The following EPC2 variants were observed in gnomAD, a reference collection of about 807,000 sequenced individuals.
EPC2 encodes enhancer of polycomb homolog 2.
In EPC2, 14 loss-of-function variants were observed where a neutral mutation model predicts 92.1. That is an observed-to-expected ratio of 0.15 (90% CI 0.10 to 0.24). EPC2 has a LOEUF of 0.24. Among genes scored for constraint, EPC2 ranks in the 10% least tolerant of loss-of-function variants. The pLI, the probability that EPC2 is intolerant of heterozygous loss-of-function variation, is 1.00. For missense variants in EPC2, 755 were observed against 971.5 expected (o/e 0.78, Z 2.96); for synonymous variants, 340 against 334.7 (o/e 1.02, Z -0.17).
At chr2:148,661,663 A>T (rs1020585097) in intron 1 of EPC2, among the ~76,000 whole-genome samples, 10 of 151,634 alleles carry the variant, frequency 6.6e-5, no homozygotes, top group Admixed American at 4.6e-4. Flanking sequence ...AGAAAACAAT[A>T]TACATATTTA....
At position 148,761,949 on chromosome 2, in the gene EPC2, C is replaced by T; in HGVS notation, c.815+19C>T. On this transcript the variant is annotated intron_variant, in intron 5 of 13. Coordinates refer to ENST00000258484, the MANE Select transcript of EPC2 (RefSeq NM_015630.4). ...AGAAAAGGTAACATTGCTCCTGTTA[C>T]AACAGTAAAATGACAACTTTACCAA... 6.5e-7 allele frequency: 1 copy of T among 1,550,102 alleles called. No homozygotes were observed. Among genetic ancestry groups the T allele is most frequent in the Admixed American group, 2.2e-5 (1 of 44,634 alleles).
intron 1 of EPC2, among the ~76,000 whole-genome samples, chr2:148,666,292 C>T (rs1681054572): frequency 6.6e-6 from 1 of 152,144 alleles, no homozygotes; most frequent in South Asian, 2.1e-4. Context: ...AGCCATGCTT[C>T]ACCATGCCTG....
chr2:148,771,111 A>T lies in EPC2; in HGVS notation c.1444A>T (p.Asn482Tyr). 3 of 1,613,726 alleles carry T rather than the reference A, an allele frequency of 1.9e-6. No individual in the cohort carries two copies. The highest frequency in any genetic ancestry group is 2.2e-5 in the East Asian group (1 of 44,870). The change falls in exon 10 of 14, where the codon AAT becomes TAT. Residue 482 changes from asparagine (N) to tyrosine (Y), a missense_variant. This residue lies in a region of EPC2 where 509 missense variants were observed against 607.7 expected (regional missense o/e 0.84). Coordinates refer to ENST00000258484, the MANE Select transcript of EPC2 (RefSeq NM_015630.4). Reference sequence around the variant, plus strand: ...GAAACAGATAGACCCTGAAATGCTGAATAGTTTTTCAAGCTCTTCCCAAAC... The same window carrying T: ...GAAACAGATAGACCCTGAAATGCTGTATAGTTTTTCAAGCTCTTCCCAAAC... The part of the protein sequence containing the change: ...VLKQIDPEML[N>Y]SFSSSSQTID...
chr2:148,733,585 G>C (rs1030626904), intron 2 of EPC2, among the ~76,000 whole-genome samples: 14 of 131,766 alleles, frequency 1.1e-4, no homozygotes, highest in Admixed American at 9.6e-4. Context: ...GCATCCTTGA[G>C]CTCCTGGGCT....
intron 11 of EPC2, 116 bp downstream of exon 11, chr2:148,781,896 C>A: frequency 8.6e-7 from 1 of 1,168,856 alleles, no homozygotes; most frequent in African/African-American, 1.5e-5. Context: ...GATTTGGGGT[C>A]TGTAACCTGA....
intron 2 of EPC2, among the ~76,000 whole-genome samples, chr2:148,701,898 T>C (rs1357873556): frequency 1.3e-5 from 2 of 152,140 alleles, no homozygotes; most frequent in African/African-American, 2.4e-5. Context: ...CTCTACTTAT[T>C]ATAGATCTAT....
intron 2 of EPC2, among the ~76,000 whole-genome samples, chr2:148,741,440 G>A (rs1325989691): frequency 6.6e-6 from 1 of 152,098 alleles, no homozygotes; most frequent in East Asian, 1.9e-4. Context: ...GTCCTTTACT[G>A]ATTATAAAGC....
At chr2:148,756,902 C>T (rs904407931) in intron 4 of EPC2, among the ~76,000 whole-genome samples, 1 of 152,160 alleles carries the variant, frequency 6.6e-6, no homozygotes, top group African/African-American at 2.4e-5. Context: ...AACCACTTCC[C>T]TAGAGATTTG....
At chr2:148,663,337 G>T (rs935418637) in intron 1 of EPC2, among the ~76,000 whole-genome samples, 5 of 150,614 alleles carry the variant, frequency 3.3e-5, no homozygotes, top group Admixed American at 1.3e-4. Flanking sequence ...TCCTGCCTCA[G>T]CCTCCCGAGT....
chr2:148,683,813 A>C (rs1333214540), intron 1 of EPC2, among the ~76,000 whole-genome samples: 1 of 152,250 alleles, frequency 6.6e-6, no homozygotes, highest in Admixed American at 6.5e-5. Context: ...TTGCAATTGC[A>C]AATTGTACTG....
intron 10 of EPC2, among the ~76,000 whole-genome samples, chr2:148,775,658 A>AAATTAAATAAAATAAATTTAATTT (rs1683619780): frequency 1.4e-5 from 2 of 138,594 alleles, no homozygotes; most frequent in Non-Finnish European, 3.1e-5. Context: ...TCTTTAAATA[A>AAATTAAATAAAATAAATTTAATTT]AATTAAATAA....
At chr2:148,691,476 T>C in intron 2 of EPC2, 1 of 1,538,140 alleles carries the variant, frequency 6.5e-7, no homozygotes, top group Admixed American at 2.0e-5. Flanking sequence ...ATCACCAGCT[T>C]TAAGACTGAC....
At chr2:148,704,908 CT>C (rs60418586) in intron 2 of EPC2, among the ~76,000 whole-genome samples, 4,259 of 144,350 alleles carry the variant, frequency 0.03, 90 homozygotes, top group Non-Finnish European at 0.049. Context: ...TTTTCTTTTT[CT>C]TTTTTTTTTT....
chr2:148,645,098 T>C lies in EPC2; in HGVS notation c.81T>C (p.Asp27=), dbSNP rs1166442312. Residue 27 remains aspartate, a synonymous_variant, in exon 1 of 14, where the codon GAT becomes GAC. Transcript: ENST00000258484. ...TCTACCGCGGCAAGGACATGCCTGA[T>C]CTCAACGACTGCGTCTCCATCAACC... is the stretch of plus-strand genomic sequence containing the variant. ...LPIYRGKDMP[D]LNDCVSINRA... is the part of the protein sequence containing the mutation. 1 of 1,601,458 alleles carries C rather than the reference T, an allele frequency of 6.2e-7. No individual in the cohort carries two copies. Among genetic ancestry groups the C allele is most frequent in the South Asian group, 1.1e-5 (1 of 88,698 alleles).
At chr2:148,684,206 ATTG>A (rs1490302074) in intron 1 of EPC2, among the ~76,000 whole-genome samples, 1 of 151,434 alleles carries the variant, frequency 6.6e-6, no homozygotes, top group East Asian at 1.9e-4. Context: ...TTTTGATGGG[ATTG>A]TTTTTTTTCT....
intron 1 of EPC2, among the ~76,000 whole-genome samples, chr2:148,681,792 A>G (rs776917766): frequency 2.6e-5 from 4 of 152,134 alleles, no homozygotes; most frequent in Non-Finnish European, 5.9e-5. Flanking sequence ...ACATAGGTAT[A>G]CATGTGCCAT....
chr2:148,748,030 A>G (rs1423554541), intron 3 of EPC2, among the ~76,000 whole-genome samples: 1 of 151,898 alleles, frequency 6.6e-6, no homozygotes, highest in Non-Finnish European at 1.5e-5. Flanking sequence ...CCTGGTGGAG[A>G]TGATTGGATC....
At chr2:148,701,728 G>T (rs1350046816) in intron 2 of EPC2, among the ~76,000 whole-genome samples, 2 of 152,080 alleles carry the variant, frequency 1.3e-5, no homozygotes, top group East Asian at 1.9e-4. Flanking sequence ...TAGGATTGGG[G>T]TGATGCTGAC....
intron 1 of EPC2, among the ~76,000 whole-genome samples, chr2:148,656,036 G>GC (rs1243574095): frequency 1.1e-5 from 1 of 91,392 alleles, no homozygotes; most frequent in African/African-American, 3.8e-5. Context: ...GGGGGGGGGG[G>GC]GGTTATTCTA....
Sources: gnomAD v4.1 joint callset for allele counts (sites outside exome capture counted in the v4.1 genomes callset) on GRCh38, gnomAD v4.1.1 for gene constraint, gnomAD v4.1.1 regional missense constraint, MANE v1.5 for transcripts, NCBI Gene and HGNC (gene_info 2026-07-23, HGNC 2026-07-21) for gene names.